The following COL26A1 variants were observed in gnomAD, a reference collection of about 807,000 sequenced individuals.
The protein encoded by COL26A1 is collagen alpha-1(XXVI) chain.
Under a neutral mutation model 59.3 loss-of-function variants are expected in COL26A1, and 41 were observed. That is an observed-to-expected ratio of 0.69 (90% CI 0.54 to 0.90). The LOEUF (loss-of-function observed/expected upper bound fraction) is 0.90. COL26A1 is among the 40% of genes least tolerant of loss of function. The probability of loss-of-function intolerance (pLI) is 0.00; values close to 1 mark genes in which losing one functional copy is unlikely to be tolerated. For missense variants in COL26A1, 612 were observed against 602.3 expected, an observed-to-expected ratio of 1.02 and a Z score of -0.17; for synonymous variants, 266 against 256.0, an observed-to-expected ratio of 1.04 and a Z score of -0.37.
chr7:101,548,030 G>T (rs550621276), intron 8 of COL26A1, among the ~76,000 whole-genome samples: 1 of 152,216 alleles, frequency 6.6e-6, no homozygotes, highest in Non-Finnish European at 1.5e-5. Context: ...GGAGCTACAA[G>T]GGAGAAGCTG....
intron 2 of COL26A1, among the ~76,000 whole-genome samples, chr7:101,427,977 C>T (rs937631980): frequency 2.0e-5 from 3 of 152,102 alleles, no homozygotes; most frequent in Non-Finnish European, 4.4e-5. Flanking sequence ...CCTCTTCCTA[C>T]GACACATTTC....
intron 4 of COL26A1, among the ~76,000 whole-genome samples, chr7:101,539,632 C>T (rs1795564449): frequency 6.6e-6 from 1 of 152,154 alleles, no homozygotes; most frequent in African/African-American, 2.4e-5. Context: ...CCAGCCAGCA[C>T]AGGGACTTTG....
intron 2 of COL26A1, among the ~76,000 whole-genome samples, chr7:101,436,961 G>A (rs1375027762): frequency 6.6e-6 from 1 of 152,042 alleles, no homozygotes; most frequent in Non-Finnish European, 1.5e-5. Context: ...TGATCCGCCC[G>A]CCTTGACCTC....
intron 1 of COL26A1, among the ~76,000 whole-genome samples, chr7:101,416,489 C>A (rs1318265732): frequency 7.0e-6 from 1 of 143,754 alleles, no homozygotes; most frequent in African/African-American, 2.5e-5. Context: ...TCTTCAAGTA[C>A]ATGCTTCTCT....
intron 2 of COL26A1, among the ~76,000 whole-genome samples, chr7:101,440,328 T>C (rs991310130): frequency 6.6e-6 from 1 of 152,032 alleles, no homozygotes; most frequent in African/African-American, 2.4e-5. Flanking sequence ...ATCGCGTCAC[T>C]ACACTCCAGC....
intron 1 of COL26A1, among the ~76,000 whole-genome samples, chr7:101,375,736 C>T (rs930653854): frequency 2.0e-5 from 3 of 151,346 alleles, no homozygotes; most frequent in Non-Finnish European, 4.4e-5. Flanking sequence ...GCTTGTAATC[C>T]CAGCACTTTG....
chr7:101,362,915 C>A lies in COL26A1; in HGVS notation c.-118C>A. On this transcript the variant is annotated 5_prime_UTR_variant, in exon 1 of 13. Coordinates refer to ENST00000313669, the MANE Select transcript of COL26A1 (RefSeq NM_001278563.3). ...CCAGCTCGCACCCGGGCTCCGACCG[C>A]TCGCCCCGCTCCTCTCGCTGTGCTC... 1 of 1,102,240 alleles carries A rather than the reference C, an allele frequency of 9.1e-7. No homozygotes were observed. The highest frequency in any genetic ancestry group is 1.2e-6 in the Non-Finnish European group (1 of 812,596). 68.3% of individuals were successfully genotyped at this position (1,102,240 alleles called of 1,614,324 possible). A position where few individuals can be genotyped will look rare whatever the true frequency, so the allele number is the denominator to read the frequency against.
chr7:101,471,567 G>GTTTTTTTTTTTTTTTTTTTTTTTTTT (rs796287195), intron 3 of COL26A1, among the ~76,000 whole-genome samples: 1 of 112,386 alleles, frequency 8.9e-6, no homozygotes, highest in African/African-American at 3.5e-5. Context: ...TGTTGTTGTT[G>GTTTTTTTTTTTTTTTTTTTTTTTTTT]TTTGTTTTTT....
chr7:101,455,873 A>T (rs1793458626), intron 3 of COL26A1, among the ~76,000 whole-genome samples: 1 of 151,668 alleles, frequency 6.6e-6, no homozygotes, highest in African/African-American at 2.4e-5. Flanking sequence ...TTTAGTAGAG[A>T]CGAGGTTTTA....
In COL26A1 at chr7:101,558,410, G is replaced by A. The variant is rs1383283383; in HGVS notation, c.*880G>A. 6.6e-6 allele frequency: 1 copy of A among 152,282 alleles called. No individual in the cohort carries two copies. The highest frequency in any genetic ancestry group is 1.5e-5 in the Non-Finnish European group (1 of 68,092). The allele number at this position is 152,282 out of a possible 1,614,324, so 9.4% of individuals were successfully genotyped here. ...TGGGTCCATCCCATCCCTGAGCCAG[G>A]GGAGGCAGCATTTCATGGGCATGTC... is the stretch of plus-strand genomic sequence containing the variant. On this transcript the variant is annotated 3_prime_UTR_variant, in exon 13 of 13. Transcript: ENST00000313669.
intron 2 of COL26A1, among the ~76,000 whole-genome samples, chr7:101,438,614 G>A (rs1160401698): frequency 1.3e-5 from 2 of 151,500 alleles, no homozygotes; most frequent in Non-Finnish European, 3.0e-5. Flanking sequence ...TCTCAGGTGT[G>A]AGTGGGCCGA....
chr7:101,530,672 G>A (rs1157683025), intron 3 of COL26A1, among the ~76,000 whole-genome samples: 1 of 150,180 alleles, frequency 6.7e-6, no homozygotes. Context: ...GGACTCCACC[G>A]TTTCATCAGG....
At chr7:101,410,671 C>A (rs1029357678) in intron 1 of COL26A1, among the ~76,000 whole-genome samples, 1 of 146,412 alleles carries the variant, frequency 6.8e-6, no homozygotes, top group Admixed American at 7.1e-5. Context: ...TGCACCACCA[C>A]GCCCGGCTAA....
At position 101,492,761 on chromosome 7, in the gene COL26A1, A is replaced by G. The variant is rs533746267; in HGVS notation, c.386-40321A>G. Among the ~76,000 whole-genome samples, 206 of 150,770 alleles carry G rather than the reference A, an allele frequency of 1.4e-3. 1 individual carries two copies. The highest frequency in any genetic ancestry group is 4.9e-3 in the African/African-American group (202 of 41,166). On this transcript the variant is annotated intron_variant, in intron 3 of 12. Coordinates refer to ENST00000313669, the MANE Select transcript of COL26A1 (RefSeq NM_001278563.3). ...AAATAAATAAATAATAAAAATAGAGATGGGGTCTTGTTCTGTTGCCCAGGC... is the reference window on the plus strand; with the variant it reads ...AAATAAATAAATAATAAAAATAGAGGTGGGGTCTTGTTCTGTTGCCCAGGC...
chr7:101,500,958 C>T (rs186779127), intron 3 of COL26A1, among the ~76,000 whole-genome samples: 1,791 of 151,454 alleles, frequency 0.012, 45 homozygotes, highest in African/African-American at 0.042. Context: ...CCAAGGCGGG[C>T]GGATCACGAG....
chr7:101,496,098 A>G (rs1289839928), intron 3 of COL26A1, among the ~76,000 whole-genome samples: 1 of 152,126 alleles, frequency 6.6e-6, no homozygotes, highest in African/African-American at 2.4e-5. Context: ...AAAATAAAAA[A>G]GGCGGCTTAG....
In COL26A1 at chr7:101,551,249, G is replaced by T; in HGVS notation, c.1029+106G>T. 4 of 1,109,268 alleles carry T rather than the reference G, an allele frequency of 3.6e-6. No homozygotes were observed. In the South Asian group the frequency reaches 4.0e-5, roughly 11 times the overall value. The allele number at this position is 1,109,268 out of a possible 1,614,324, so 68.7% of individuals were successfully genotyped here. ...GGTTGGTGGGGGGGTTCAGCCCTGG[G>T]TGGCCCTGCTGGAGCTCAGGCAACA... On this transcript the variant is annotated intron_variant, in intron 10 of 12. Transcript: ENST00000313669.
At chr7:101,521,799 G>C (rs538545100) in intron 3 of COL26A1, among the ~76,000 whole-genome samples, 6 of 152,134 alleles carry the variant, frequency 3.9e-5, no homozygotes, top group African/African-American at 1.4e-4. Context: ...CTCCCCACGG[G>C]TAACCACTCA....
intron 1 of COL26A1, among the ~76,000 whole-genome samples, chr7:101,395,548 G>A (rs1425943088): frequency 6.6e-6 from 1 of 152,204 alleles, no homozygotes; most frequent in African/African-American, 2.4e-5. Context: ...TGGGAAAAAA[G>A]CTCTTTAATC....
Sources: allele counts gnomAD v4.1 joint callset (sites outside exome capture counted in the v4.1 genomes callset), GRCh38; gene constraint gnomAD v4.1.1; transcripts MANE v1.5; gene names NCBI Gene and HGNC (gene_info 2026-07-23, HGNC 2026-07-21).